The following CGB7 variants were observed in gnomAD, a reference collection of about 807,000 sequenced individuals.
CGB7 encodes the protein choriogonadotropin subunit beta 7.
Under a neutral mutation model 7.3 loss-of-function variants are expected in CGB7, and 6 were observed. The observed-to-expected ratio is 0.82, with a 90% CI of 0.45 to 1.62. CGB7 has a LOEUF of 1.62. CGB7 is among the 40% of genes most tolerant of loss of function. The pLI, the probability that CGB7 is intolerant of heterozygous loss-of-function variation, is 0.01. For synonymous variants in CGB7, 47 were observed against 100.8 expected (o/e 0.47, Z 3.20); for missense variants, 114 against 236.2 (o/e 0.48, Z 3.39).
At position 49,054,960 on chromosome 19, in the gene CGB7, T is replaced by C; in HGVS notation, c.64A>G (p.Arg22Gly). 6.3e-7 allele frequency: 1 copy of C among 1,575,368 alleles called. No homozygotes were observed. Among genetic ancestry groups the C allele is most frequent in the Non-Finnish European group, 8.6e-7 (1 of 1,159,328 alleles). The change falls in exon 4 of 5, where the codon AGG (arginine) becomes GGG (glycine). Residue 22 changes from arginine (R) to glycine (G), a missense_variant. Arg to Gly is a moderately radical substitution (Grantham distance 125). Around this residue, in one of 3 missense-constraint regions of CGB7, gnomAD observed 58 missense variants for 91.7 expected, o/e 0.63. Transcript: ENST00000684222. ...CGGCACCGTGGCCGAAGCATCTCCC[T>C]GGATGCCCATGTCCCGCCCATGCTC... ...LLSMGGTWASREMLRPRCRPI... is the reference protein window; with the variant it reads ...LLSMGGTWASGEMLRPRCRPI...
Position 49,057,605 on chromosome 19 carries a change from A to G in CGB7, c.-1492T>C, listed in dbSNP as rs1336847884. ...GAGCTGCATCTTGGGCAACAACTCCAGGTTACCTCTCCTAACTCCCACCCT... is the reference window on the plus strand; with the variant it reads ...GAGCTGCATCTTGGGCAACAACTCCGGGTTACCTCTCCTAACTCCCACCCT... On this transcript the variant is annotated 5_prime_UTR_variant, in exon 1 of 5. Transcript: ENST00000684222. 38 of 1,168,554 alleles carry G rather than the reference A, an allele frequency of 3.3e-5. No homozygotes were observed. Among genetic ancestry groups the G allele is most frequent in the Non-Finnish European group, 4.0e-5 (38 of 941,882 alleles). The allele number at this position is 1,168,554 out of a possible 1,614,324, so 72.4% of individuals were successfully genotyped here.
chr19:49,056,416 G>A lies in CGB7; in HGVS notation c.-1041C>T. On this transcript the variant is annotated 5_prime_UTR_variant, in exon 3 of 5. Transcript: ENST00000684222. ...GGAAGCGGTCGAGCCGGCGGAGCGGGTGCGGCGAGGAGCTGTAGGTTTCCT... is the reference window on the plus strand; with the variant it reads ...GGAAGCGGTCGAGCCGGCGGAGCGGATGCGGCGAGGAGCTGTAGGTTTCCT... The A allele has an allele frequency of 3.1e-6, 4 of 1,296,746 alleles. No individual in the cohort carries two copies. The highest frequency in any genetic ancestry group is 4.0e-6 in the Non-Finnish European group (4 of 993,284). 80.3% of individuals were successfully genotyped at this position (1,296,746 alleles called of 1,614,324 possible).
Position 49,057,590 on chromosome 19 carries a change from T to C in CGB7, c.-1477A>G. Reference sequence around the variant, plus strand: ...GTGGCCACTGGAGCTGAGCTGCATCTTGGGCAACAACTCCAGGTTACCTCT... The same window carrying C: ...GTGGCCACTGGAGCTGAGCTGCATCCTGGGCAACAACTCCAGGTTACCTCT... On this transcript the variant is annotated 5_prime_UTR_variant, in exon 1 of 5. Transcript: ENST00000684222. 8.6e-7 allele frequency: 1 copy of C among 1,164,046 alleles called. No homozygotes were observed. The highest frequency in any genetic ancestry group is 1.1e-6 in the Non-Finnish European group (1 of 938,748). The allele number at this position is 1,164,046 out of a possible 1,614,324, so 72.1% of individuals were successfully genotyped here.
intron 3 of CGB7, 45 bp downstream of exon 3, chr19:49,055,316 G>T (rs35009374): frequency 0.28 from 418,353 of 1,467,978 alleles, 76,445 homozygotes; most frequent in South Asian, 0.38. Context: ...TGCCAGTGAT[G>T]GCCTGGAAGG....
Position 49,057,525 on chromosome 19 carries a change from A to C in CGB7, c.-1412T>G. The C allele has an allele frequency of 1.7e-6, 2 of 1,177,780 alleles. No homozygotes were observed. The highest frequency in any genetic ancestry group is 4.2e-5 in the South Asian group (2 of 48,016). The allele number at this position is 1,177,780 out of a possible 1,614,324, so 73.0% of individuals were successfully genotyped here. A position where few individuals can be genotyped will look rare whatever the true frequency, so the allele number is the denominator to read the frequency against. On this transcript the variant is annotated 5_prime_UTR_variant, in exon 1 of 5. The change creates a new upstream start codon in the 5' untranslated region. Coordinates refer to ENST00000684222, the MANE Select transcript of CGB7 (RefSeq NM_001385261.1). The stretch of plus-strand genomic sequence containing the variant: ...AAATGCAGGCCCCCAGCCACCACAA[A>C]ATCCCCCTGGTTCTGCCCCCGGTCT...
chr19:49,055,299 C>T (rs1175109241), intron 3 of CGB7, 62 bp downstream of exon 3: 11 of 1,608,592 alleles, frequency 6.8e-6, no homozygotes, highest in South Asian at 5.6e-5. Context: ...TGGTCTGCCC[C>T]TTCTCATGCC....
In CGB7 at chr19:49,056,140, CCA is replaced by C. The variant is rs1479628396; in HGVS notation, c.-767_-766del. On this transcript the variant is annotated 5_prime_UTR_variant, in exon 3 of 5. Coordinates refer to ENST00000684222, the MANE Select transcript of CGB7 (RefSeq NM_001385261.1). Reference sequence around the variant, plus strand: ...GGGCGTGTCTGGGCTAGTCCTGTCCCCACACTGCGGATAGACTTAATGAGTGC... The same window carrying C: ...GGGCGTGTCTGGGCTAGTCCTGTCCCCACTGCGGATAGACTTAATGAGTGC... The C allele has an allele frequency of 5.2e-5, 63 of 1,213,314 alleles. No individual in the cohort carries two copies. The highest frequency in any genetic ancestry group is 6.2e-5 in the Non-Finnish European group (59 of 948,936). The allele number at this position is 1,213,314 out of a possible 1,614,324, so 75.2% of individuals were successfully genotyped here. A position where few individuals can be genotyped will look rare whatever the true frequency, so the allele number is the denominator to read the frequency against.
At position 49,056,422 on chromosome 19, in the gene CGB7, C is replaced by T. The variant is rs762316081; in HGVS notation, c.-1047G>A. 12 of 1,297,002 alleles carry T rather than the reference C, an allele frequency of 9.3e-6. 1 individual carries two copies. The highest frequency in any genetic ancestry group is 2.3e-4 in the Middle Eastern group (1 of 4,276). 80.3% of individuals were successfully genotyped at this position (1,297,002 alleles called of 1,614,324 possible). A position where few individuals can be genotyped will look rare whatever the true frequency, so the allele number is the denominator to read the frequency against. On this transcript the variant is annotated 5_prime_UTR_variant, in exon 3 of 5. Transcript: ENST00000684222. ...GGTCGAGCCGGCGGAGCGGGTGCGG[C>T]GAGGAGCTGTAGGTTTCCTGAGCCG...
rs758043828 is a variant in CGB7 at position 49,054,324 on chromosome 19, C to G, written c.465G>C (p.Pro155=). 6.2e-7 allele frequency: 1 copy of G among 1,607,108 alleles called. No individual in the cohort carries two copies. The part of the protein sequence containing the change: ...PPSLPSPSRL[P]GPSDTPILPQ ...GGAGGATCGGGGTGTCTGAGGGCCC[C>G]GGGAGTCGGGATGGACTTGGAAGGC... Residue 155 remains proline, a synonymous_variant, in exon 5 of 5, where the codon CCG becomes CCC. Coordinates refer to ENST00000684222, the MANE Select transcript of CGB7 (RefSeq NM_001385261.1).
rs1006600357 is a variant in CGB7 at position 49,056,282 on chromosome 19, G to T, written c.-907C>A. On this transcript the variant is annotated 5_prime_UTR_variant, in exon 3 of 5. Coordinates refer to ENST00000684222, the MANE Select transcript of CGB7 (RefSeq NM_001385261.1). ...GGCCCGGCAGGCTCCCACTAGCCCC[G>T]GCTTACAGCGGCCTGAGCGGGAGTT... is the stretch of plus-strand genomic sequence containing the variant. 7.0e-6 allele frequency: 9 copies of T among 1,291,614 alleles called. No homozygotes were observed. The highest frequency in any genetic ancestry group is 9.1e-6 in the Non-Finnish European group (9 of 989,954). The allele number at this position is 1,291,614 out of a possible 1,614,324, so 80.0% of individuals were successfully genotyped here.
chr19:49,056,525 A>G lies in CGB7; in HGVS notation c.-1150T>C. 7.7e-7 allele frequency: 1 copy of G among 1,303,042 alleles called. No homozygotes were observed. The highest frequency in any genetic ancestry group is 1.0e-6 in the Non-Finnish European group (1 of 998,066). The allele number at this position is 1,303,042 out of a possible 1,614,324, so 80.7% of individuals were successfully genotyped here. A position where few individuals can be genotyped will look rare whatever the true frequency, so the allele number is the denominator to read the frequency against. ...GGCTGCCGCTGCGGGTCGTGACTCC[A>G]GAGTTGGGGCGTCTCTTCTAAGCTC... is the stretch of plus-strand genomic sequence containing the variant. On this transcript the variant is annotated 5_prime_UTR_variant, in exon 3 of 5. Transcript: ENST00000684222.
At position 49,055,605 on chromosome 19, in the gene CGB7, T is replaced by A; in HGVS notation, c.-230A>T. ...AGGCGGAGACCACGGTGAAGTGACC[T>A]CTGAGACTCAGTCGTCGAGTGCTAG... On this transcript the variant is annotated 5_prime_UTR_variant, in exon 3 of 5. Coordinates refer to ENST00000684222, the MANE Select transcript of CGB7 (RefSeq NM_001385261.1). 2.1e-6 allele frequency: 3 copies of A among 1,454,274 alleles called. No homozygotes were observed. Among genetic ancestry groups the A allele is most frequent in the Non-Finnish European group, 2.7e-6 (3 of 1,104,746 alleles). 90.1% of individuals were successfully genotyped at this position (1,454,274 alleles called of 1,614,324 possible).
chr19:49,055,956 C>A lies in CGB7; in HGVS notation c.-581G>T. The A allele has an allele frequency of 9.0e-7, 1 of 1,114,854 alleles. No homozygotes were observed. The highest frequency in any genetic ancestry group is 1.1e-6 in the Non-Finnish European group (1 of 903,090). 69.1% of individuals were successfully genotyped at this position (1,114,854 alleles called of 1,614,324 possible). The stretch of plus-strand genomic sequence containing the variant: ...AACCTCCGCCCACCCTACCCTCAAG[C>A]CAGGATGCCCGGAGCGGTCCCCGGA... On this transcript the variant is annotated 5_prime_UTR_variant, in exon 3 of 5. Transcript: ENST00000684222.
rs757791884 is a variant in CGB7 at position 49,054,318 on chromosome 19, G to A, written c.471C>T (p.Pro157=). Reference sequence around the variant, plus strand: ...ATTGTGGGAGGATCGGGGTGTCTGAGGGCCCCGGGAGTCGGGATGGACTTG... The same window carrying A: ...ATTGTGGGAGGATCGGGGTGTCTGAAGGCCCCGGGAGTCGGGATGGACTTG... ...SLPSPSRLPG[P]SDTPILPQ is the part of the protein sequence containing the mutation. Residue 157 remains proline (P), a synonymous_variant, in exon 5 of 5, where the codon CCC becomes CCT. Transcript: ENST00000684222. 1.2e-6 allele frequency: 2 copies of A among 1,605,826 alleles called. No individual in the cohort carries two copies. The highest frequency in any genetic ancestry group is 1.7e-6 in the Non-Finnish European group (2 of 1,177,038).
Position 49,056,193 on chromosome 19 carries a change from T to C in CGB7, c.-818A>G, listed in dbSNP as rs2040060009. The stretch of plus-strand genomic sequence containing the variant: ...GAGCCCACCTAGGTCCGACACCGCG[T>C]AGTGAGCGGCTGCCCAGAGCTCTGC... On this transcript the variant is annotated 5_prime_UTR_variant, in exon 3 of 5. Coordinates refer to ENST00000684222, the MANE Select transcript of CGB7 (RefSeq NM_001385261.1). The C allele has an allele frequency of 3.1e-6, 4 of 1,271,016 alleles. No homozygotes were observed. Among genetic ancestry groups the C allele is most frequent in the African/African-American group, 3.1e-5 (2 of 64,980 alleles). The allele number at this position is 1,271,016 out of a possible 1,614,324, so 78.7% of individuals were successfully genotyped here.
rs2040081395 is a variant in CGB7 at position 49,057,505 on chromosome 19, C to G, written c.-1392G>C. The G allele has an allele frequency of 8.1e-7, 1 of 1,240,596 alleles. No homozygotes were observed. The highest frequency in any genetic ancestry group is 3.9e-5 in the Admixed American group (1 of 25,828). The allele number at this position is 1,240,596 out of a possible 1,614,324, so 76.8% of individuals were successfully genotyped here. A position where few individuals can be genotyped will look rare whatever the true frequency, so the allele number is the denominator to read the frequency against. On this transcript the variant is annotated 5_prime_UTR_variant, in exon 1 of 5. Transcript: ENST00000684222. ...TCCTGCTGGTCAAGGAACTCAAATGCAGGCCCCCAGCCACCACAAAATCCC... is the reference window on the plus strand; with the variant it reads ...TCCTGCTGGTCAAGGAACTCAAATGGAGGCCCCCAGCCACCACAAAATCCC...
At position 49,056,426 on chromosome 19, in the gene CGB7, G is replaced by A. The variant is rs1318633541; in HGVS notation, c.-1051C>T. 2.3e-6 allele frequency: 3 copies of A among 1,297,592 alleles called. No individual in the cohort carries two copies. Among genetic ancestry groups the A allele is most frequent in the Non-Finnish European group, 3.0e-6 (3 of 993,906 alleles). 80.4% of individuals were successfully genotyped at this position (1,297,592 alleles called of 1,614,324 possible). A position where few individuals can be genotyped will look rare whatever the true frequency, so the allele number is the denominator to read the frequency against. On this transcript the variant is annotated 5_prime_UTR_variant, in exon 3 of 5. Coordinates refer to ENST00000684222, the MANE Select transcript of CGB7 (RefSeq NM_001385261.1). ...GAGCCGGCGGAGCGGGTGCGGCGAG[G>A]AGCTGTAGGTTTCCTGAGCCGGAGA...
Position 49,056,318 on chromosome 19 carries a change from T to C in CGB7, c.-943A>G. ...GCCTGAGCGGGAGTTCTCGGTGCTG[T>C]AGGCTTTCGGGACGCTGTGTATGCC... On this transcript the variant is annotated 5_prime_UTR_variant, in exon 3 of 5. Coordinates refer to ENST00000684222, the MANE Select transcript of CGB7 (RefSeq NM_001385261.1). 2 of 1,293,874 alleles carry C rather than the reference T, an allele frequency of 1.5e-6. No individual in the cohort carries two copies. The highest frequency in any genetic ancestry group is 2.0e-6 in the Non-Finnish European group (2 of 991,342). 80.1% of individuals were successfully genotyped at this position (1,293,874 alleles called of 1,614,324 possible).
Position 49,056,275 on chromosome 19 carries a change from T to C in CGB7, c.-900A>G, listed in dbSNP as rs2040061989. The C allele has an allele frequency of 1.5e-6, 2 of 1,290,964 alleles. No homozygotes were observed. The highest frequency in any genetic ancestry group is 3.0e-5 in the African/African-American group (2 of 65,826). 80.0% of individuals were successfully genotyped at this position (1,290,964 alleles called of 1,614,324 possible). ...TGGGGCTGGCCCGGCAGGCTCCCACTAGCCCCGGCTTACAGCGGCCTGAGC... is the reference window on the plus strand; with the variant it reads ...TGGGGCTGGCCCGGCAGGCTCCCACCAGCCCCGGCTTACAGCGGCCTGAGC... On this transcript the variant is annotated 5_prime_UTR_variant, in exon 3 of 5. Transcript: ENST00000684222.
Sources: allele counts gnomAD v4.1 joint callset, GRCh38; gene constraint gnomAD v4.1.1; regional missense constraint gnomAD v4.1.1; transcripts MANE v1.5; gene names NCBI Gene and HGNC (gene_info 2026-07-23, HGNC 2026-07-21).